The following GYS2 variants were observed in gnomAD, a reference collection of about 807,000 sequenced individuals.
The protein encoded by GYS2 is glycogen synthase 2, also known as glycogen [starch] synthase, liver.
A neutral mutation model predicts 85.6 loss-of-function variants in GYS2; 80 were observed. The observed-to-expected ratio is 0.93, with a 90% CI of 0.78 to 1.13. GYS2 has a LOEUF of 1.13. Ranked by LOEUF, GYS2 falls within the 50% of genes most tolerant of loss-of-function variation. The pLI, the probability that GYS2 is intolerant of heterozygous loss-of-function variation, is 0.00. For synonymous variants in GYS2, 328 were observed against 300.7 expected (o/e 1.09, Z -0.94); for missense variants, 881 against 854.9 (o/e 1.03, Z -0.38).
intron 10 of GYS2, among the ~76,000 whole-genome samples, chr12:21,558,771 G>A (rs189845666): frequency 6.6e-6 from 1 of 152,142 alleles, no homozygotes; most frequent in Admixed American, 6.5e-5. Flanking sequence ...TCTCTAATGT[G>A]ACTCAAATTC....
chr12:21,594,245 G>C (rs1430218086), intron 1 of GYS2, among the ~76,000 whole-genome samples: 1 of 152,054 alleles, frequency 6.6e-6, no homozygotes, highest in Non-Finnish European at 1.5e-5. Flanking sequence ...GGAAGTCCTA[G>C]CCACAGCTTT....
intron 11 of GYS2, among the ~76,000 whole-genome samples, chr12:21,550,080 T>C (rs1265724075): frequency 6.6e-6 from 1 of 152,194 alleles, no homozygotes; most frequent in Non-Finnish European, 1.5e-5. Flanking sequence ...AGTTTGTTTC[T>C]GTATATATTT....
intron 3 of GYS2, among the ~76,000 whole-genome samples, chr12:21,574,728 T>A (rs1349186132): frequency 6.6e-6 from 1 of 152,082 alleles, no homozygotes; most frequent in East Asian, 1.9e-4. Flanking sequence ...TATAAGCTTA[T>A]TTTTAAAAAA....
rs146200724 is a variant in GYS2, at chr12:21,580,404, A to T, written c.241T>A (p.Cys81Ser). Reference protein sequence around the residue: ...EHNMKTQVEQCEPVNDAVRRA... With the variant: ...EHNMKTQVEQSEPVNDAVRRA... ...CTGACAGCATCATTTACAGGTTCACACTGTTCCACCTGAGTCTTCATATTA... is the reference window on the plus strand; with the variant it reads ...CTGACAGCATCATTTACAGGTTCACTCTGTTCCACCTGAGTCTTCATATTA... Residue 81 changes from cysteine to serine, a missense_variant, in exon 2 of 16, where the codon TGT becomes AGT. By Grantham distance (112) the Cys-to-Ser change is moderately radical. Coordinates refer to ENST00000261195, the MANE Select transcript of GYS2 (RefSeq NM_021957.4). 50 of 1,613,688 alleles carry T rather than the reference A, an allele frequency of 3.1e-5. No individual in the cohort carries two copies. The highest frequency in any genetic ancestry group is 1.6e-4 in the Middle Eastern group (1 of 6,062).
chr12:21,570,458 C>T (rs1035012770), intron 4 of GYS2, among the ~76,000 whole-genome samples: 14 of 152,202 alleles, frequency 9.2e-5, no homozygotes, highest in South Asian at 4.1e-4. Context: ...TCTCATACTA[C>T]GCAGTAAGCG....
intron 1 of GYS2, among the ~76,000 whole-genome samples, chr12:21,583,560 G>T (rs1442146168): frequency 6.6e-6 from 1 of 152,332 alleles, no homozygotes; most frequent in Admixed American, 6.5e-5. Flanking sequence ...GATGCTTGAG[G>T]TGTCAGTGCC....
chr12:21,574,335 GGAAAAAAAAAGCATTCA>G lies in GYS2; in HGVS notation c.496-26_496-10del. 1 of 1,608,352 alleles carries G rather than the reference GGAAAAAAAAAGCATTCA, an allele frequency of 6.2e-7. No individual in the cohort carries two copies. The highest frequency in any genetic ancestry group is 8.5e-7 in the Non-Finnish European group (1 of 1,175,828). On this transcript the variant is annotated splice_polypyrimidine_tract_variant and intron_variant, in intron 3 of 15. Transcript: ENST00000261195. ...TCTGCATGATCTGTCACCTACATTA[GGAAAAAAAAAGCATTCA>G]GAAAAGTTGTTGATGAAGCTTGATT...
chr12:21,560,139 T>G lies in GYS2; in HGVS notation c.1169+247A>C, dbSNP rs568186476. On this transcript the variant is annotated intron_variant, in intron 8 of 15. Coordinates refer to ENST00000261195, the MANE Select transcript of GYS2 (RefSeq NM_021957.4). Reference sequence around the variant, plus strand: ...AAAGTTAAAAAATGTTTGACTCATCTTTAAAGATTTCTACAGGGCCTTGTT... The same window carrying G: ...AAAGTTAAAAAATGTTTGACTCATCGTTAAAGATTTCTACAGGGCCTTGTT... 1.6e-4 allele frequency among the ~76,000 whole-genome samples: 25 copies of G among 152,346 alleles called. No homozygotes were observed. In the South Asian group the frequency reaches 3.5e-3, roughly 21 times the overall value.
chr12:21,567,234 A>C (rs1944331512), intron 5 of GYS2, among the ~76,000 whole-genome samples: 1 of 152,212 alleles, frequency 6.6e-6, no homozygotes, highest in African/African-American at 2.4e-5. Flanking sequence ...GATATTTGGC[A>C]GCAGGAGAAA....
intron 5 of GYS2, among the ~76,000 whole-genome samples, chr12:21,564,102 A>G (rs886831012): frequency 1.3e-5 from 2 of 152,352 alleles, no homozygotes; most frequent in East Asian, 3.9e-4. Context: ...ATATGACGGA[A>G]ACTACCTACT....
intron 1 of GYS2, among the ~76,000 whole-genome samples, chr12:21,585,363 G>A (rs761350944): frequency 3.9e-5 from 6 of 152,140 alleles, no homozygotes; most frequent in Non-Finnish European, 8.8e-5. Context: ...AGTGTTGGCT[G>A]CGGTGATTAA....
chr12:21,561,520 T>C (rs1220928924), intron 7 of GYS2, among the ~76,000 whole-genome samples: 4 of 152,254 alleles, frequency 2.6e-5, no homozygotes, highest in East Asian at 1.9e-4. Context: ...AAATGTACTA[T>C]GTGGAAAGAG....
Position 21,558,321 on chromosome 12 carries a change from A to T in GYS2, c.1309-8T>A. 1.3e-6 allele frequency: 2 copies of T among 1,541,020 alleles called. No homozygotes were observed. Among genetic ancestry groups the T allele is most frequent in the Non-Finnish European group, 1.8e-6 (2 of 1,113,262 alleles). On this transcript the variant is annotated splice_region_variant and splice_polypyrimidine_tract_variant and intron_variant, in intron 10 of 15. Transcript: ENST00000261195. ...TGGGGGCAATGACTGTCGCTGAAGTATGAGAGGGAAGGAAATATCAATTGC... is the reference window on the plus strand; with the variant it reads ...TGGGGGCAATGACTGTCGCTGAAGTTTGAGAGGGAAGGAAATATCAATTGC...
At chr12:21,582,562 C>T (rs1359141163) in intron 1 of GYS2, among the ~76,000 whole-genome samples, 1 of 149,588 alleles carries the variant, frequency 6.7e-6, no homozygotes, top group Non-Finnish European at 1.5e-5. Context: ...AATAAACTCT[C>T]ATATAGATAT....
downstream of GYS2, among the ~76,000 whole-genome samples, chr12:21,535,344 T>C (rs569815789): frequency 1.3e-4 from 20 of 152,166 alleles, no homozygotes; most frequent in Non-Finnish European, 2.4e-4. Context: ...TGAACCCTAG[T>C]TTATCACAGT....
chr12:21,599,195 A>C (rs1203497115), intron 1 of GYS2, among the ~76,000 whole-genome samples: 2 of 152,048 alleles, frequency 1.3e-5, no homozygotes, highest in African/African-American at 4.8e-5. Context: ...AAAATTACAG[A>C]CTTTGGAAGT....
chr12:21,591,503 G>A (rs1944638614), intron 1 of GYS2, among the ~76,000 whole-genome samples: 1 of 152,108 alleles, frequency 6.6e-6, no homozygotes, highest in African/African-American at 2.4e-5. Context: ...GCACTATAAA[G>A]TGAACAAATA....
chr12:21,564,387 C>T (rs868507296), intron 5 of GYS2, among the ~76,000 whole-genome samples: 10 of 151,874 alleles, frequency 6.6e-5, no homozygotes, highest in South Asian at 4.2e-4. Flanking sequence ...GCTGAAATCA[C>T]GCCACTGCAC....
chr12:21,571,701 G>C (rs140659972), intron 4 of GYS2, among the ~76,000 whole-genome samples: 20 of 152,236 alleles, frequency 1.3e-4, no homozygotes, highest in African/African-American at 3.6e-4. Flanking sequence ...GGTGGCTCAC[G>C]CCTGTAATCC....
Sources: allele counts gnomAD v4.1 joint callset (sites outside exome capture counted in the v4.1 genomes callset), GRCh38; gene constraint gnomAD v4.1.1; transcripts MANE v1.5; gene names NCBI Gene and HGNC (gene_info 2026-07-23, HGNC 2026-07-21).